The following AGAP1 variants were observed in gnomAD, a reference collection of about 807,000 sequenced individuals.
The protein encoded by AGAP1 is arf-GAP with GTPase, ANK repeat and PH domain-containing protein 1.
A neutral mutation model predicts 105.3 loss-of-function variants in AGAP1; 29 were observed. The observed-to-expected ratio is 0.28, with a 90% CI of 0.21 to 0.38. The LOEUF (loss-of-function observed/expected upper bound fraction) is 0.38. Among genes scored for constraint, AGAP1 ranks in the 10% least tolerant of loss-of-function variants. AGAP1 has a pLI of 1.00. For missense variants in AGAP1, 998 were observed against 1,165.1 expected, an observed-to-expected ratio of 0.86 and a Z score of 2.09; for synonymous variants, 509 against 485.9, an observed-to-expected ratio of 1.05 and a Z score of -0.63.
rs1956711970 is a variant in AGAP1, at chr2:235,787,390, C to T, written c.674-10369C>T. On this transcript the variant is annotated intron_variant, in intron 6 of 17. Coordinates refer to ENST00000304032, the MANE Select transcript of AGAP1 (RefSeq NM_001037131.3). The surrounding 1 kb of genome is among the most constrained non-coding windows in gnomAD (Gnocchi z 4.4). ...ATTCATTAATTTCTCAGTATTTCCC[C>T]CTTGCAGATTATTCCTTCTTTGTCT... Among the ~76,000 whole-genome samples, 6 of 152,218 alleles carry T rather than the reference C, an allele frequency of 3.9e-5. No individual in the cohort carries two copies. Among genetic ancestry groups the T allele is most frequent in the Admixed American group, 3.9e-4 (6 of 15,284 alleles).
intron 6 of AGAP1, among the ~76,000 whole-genome samples, chr2:235,759,012 C>T (rs983983357): frequency 2.6e-5 from 4 of 151,910 alleles, no homozygotes; most frequent in African/African-American, 4.8e-5. Flanking sequence ...AGCCTAGTCT[C>T]GAACTCCTGA....
chr2:235,797,216 G>A (rs1957281700), intron 6 of AGAP1, among the ~76,000 whole-genome samples: 1 of 151,950 alleles, frequency 6.6e-6, no homozygotes, highest in Non-Finnish European at 1.5e-5. Context: ...CAAGTAACTG[G>A]AAAAAAAGAT....
chr2:235,838,011 C>T (rs1960366625), intron 9 of AGAP1, among the ~76,000 whole-genome samples: 1 of 152,086 alleles, frequency 6.6e-6, no homozygotes, highest in Admixed American at 6.6e-5. Flanking sequence ...GGTGAAACCC[C>T]ATCTTTACTA....
At chr2:235,730,971 A>T (rs1439319467) in intron 3 of AGAP1, among the ~76,000 whole-genome samples, 2 of 151,626 alleles carry the variant, frequency 1.3e-5, no homozygotes, top group South Asian at 2.1e-4. Context: ...CTTACCCCCA[A>T]CCCCCAGCCC....
chr2:235,840,506 T>A (rs540184466), intron 9 of AGAP1, among the ~76,000 whole-genome samples: 6 of 152,284 alleles, frequency 3.9e-5, no homozygotes, highest in Admixed American at 3.9e-4. Context: ...ATCTCAATAC[T>A]CGTGGGTCCG....
chr2:235,583,603 G>A (rs918733005), intron 1 of AGAP1, among the ~76,000 whole-genome samples: 8 of 145,720 alleles, frequency 5.5e-5, no homozygotes, highest in African/African-American at 1.8e-4. Context: ...GAGGTTTGGT[G>A]TGGTGGCTCA....
Position 235,874,880 on chromosome 2 carries a change from G to A in AGAP1, c.1051-8465G>A, listed in dbSNP as rs929480928. On this transcript the variant is annotated intron_variant, in intron 9 of 17. Transcript: ENST00000304032. The surrounding 1 kb of genome is among the most constrained non-coding windows in gnomAD (Gnocchi z 4.5). ...AGGCAGAGGATGAGTTTAAAAACTG[G>A]TACTAAAATACCCTCTTATCAGAGA... is the stretch of plus-strand genomic sequence containing the variant. Among the ~76,000 whole-genome samples, 1 of 152,196 alleles carries A rather than the reference G, an allele frequency of 6.6e-6. No individual in the cohort carries two copies. Among genetic ancestry groups the A allele is most frequent in the African/African-American group, 2.4e-5 (1 of 41,442 alleles).
chr2:235,860,788 AC>A (rs1174628571), intron 9 of AGAP1, among the ~76,000 whole-genome samples: 2 of 152,254 alleles, frequency 1.3e-5, no homozygotes, highest in African/African-American at 4.8e-5. Context: ...TAAAGGAAGA[AC>A]AACATGCCAA....
At chr2:235,858,510 T>C (rs2048780498) in intron 9 of AGAP1, among the ~76,000 whole-genome samples, 1 of 152,106 alleles carries the variant, frequency 6.6e-6, no homozygotes, top group South Asian at 2.1e-4. Context: ...TAAGATGCAG[T>C]AGGTTAGGGG....
rs1952128536 is a variant in AGAP1 at position 235,734,486 on chromosome 2, C to T, written c.311-6477C>T. 1.3e-5 allele frequency among the ~76,000 whole-genome samples: 2 copies of T among 149,714 alleles called. No individual in the cohort carries two copies. Among genetic ancestry groups the T allele is most frequent in the African/African-American group, 4.9e-5 (2 of 40,596 alleles). The stretch of plus-strand genomic sequence containing the variant: ...GAAACAGTGGGCTCTACACATGGAG[C>T]TTTGAAGTCAAGAGTCATTTTCATC... On this transcript the variant is annotated intron_variant, in intron 3 of 17. Coordinates refer to ENST00000304032, the MANE Select transcript of AGAP1 (RefSeq NM_001037131.3). The surrounding 1 kb of genome is among the most constrained non-coding windows in gnomAD (Gnocchi z 5.3).
At chr2:235,657,700 A>G (rs1468188014) in intron 1 of AGAP1, among the ~76,000 whole-genome samples, 1 of 152,122 alleles carries the variant, frequency 6.6e-6, no homozygotes, top group East Asian at 1.9e-4. Flanking sequence ...TGATTATTCC[A>G]TAACCATGGT....
chr2:236,116,354 G>GTTTTTTTTTT (rs1382491873), intron 16 of AGAP1, among the ~76,000 whole-genome samples: 1 of 90,638 alleles, frequency 1.1e-5, no homozygotes, highest in Non-Finnish European at 2.6e-5. Flanking sequence ...GGTTAATTAA[G>GTTTTTTTTTT]TTCTTTTTTT....
At chr2:235,682,037 G>A (rs1949103579) in intron 1 of AGAP1, among the ~76,000 whole-genome samples, 1 of 151,776 alleles carries the variant, frequency 6.6e-6, no homozygotes, top group African/African-American at 2.4e-5. Flanking sequence ...ATTTTTAGTA[G>A]AGACAGGGTT....
chr2:235,607,941 C>G (rs1450358282), intron 1 of AGAP1, among the ~76,000 whole-genome samples: 1 of 151,980 alleles, frequency 6.6e-6, no homozygotes, highest in African/African-American at 2.4e-5. Flanking sequence ...TATGTTAGAC[C>G]AAAAAAATGC....
At chr2:235,496,526 T>G (rs1941325847) in intron 1 of AGAP1, among the ~76,000 whole-genome samples, 2 of 152,186 alleles carry the variant, frequency 1.3e-5, no homozygotes, top group African/African-American at 2.4e-5. Flanking sequence ...TCTTCCTGGC[T>G]CTCTGGCTGC....
intron 9 of AGAP1, among the ~76,000 whole-genome samples, chr2:235,873,497 C>CTT (rs925636303): frequency 6.8e-6 from 1 of 146,914 alleles, no homozygotes. Context: ...TTTTGGCAAA[C>CTT]TTTTTTTTTT....
chr2:235,636,900 G>A (rs1424544272), intron 1 of AGAP1, among the ~76,000 whole-genome samples: 1 of 152,168 alleles, frequency 6.6e-6, no homozygotes, highest in African/African-American at 2.4e-5. Context: ...TGTCAAGGCT[G>A]CGGTAATGCT....
chr2:235,893,688 C>G lies in AGAP1; in HGVS notation c.1155+10239C>G, dbSNP rs1042044008. Among the ~76,000 whole-genome samples the G allele has an allele frequency of 2.0e-5, 3 of 152,076 alleles. No homozygotes were observed. Among genetic ancestry groups the G allele is most frequent in the Admixed American group, 1.3e-4 (2 of 15,268 alleles). On this transcript the variant is annotated intron_variant, in intron 10 of 17. Transcript: ENST00000304032. This position sits in a 1 kb window ranked among gnomAD's most constrained non-coding sequence, Gnocchi z 4.7. ...CCTTTCTGCCCCATCTAGTGTATGTCATTGAGGAGGAGGGCTGTGTTCCCC... is the reference window on the plus strand; with the variant it reads ...CCTTTCTGCCCCATCTAGTGTATGTGATTGAGGAGGAGGGCTGTGTTCCCC...
chr2:236,019,243 G>T (rs1486224902), intron 13 of AGAP1, among the ~76,000 whole-genome samples: 4 of 152,180 alleles, frequency 2.6e-5, no homozygotes, highest in Non-Finnish European at 4.4e-5. Flanking sequence ...GCCATTGCCT[G>T]CGCTGGGTGC....
Sources: gnomAD v4.1 joint callset for allele counts (sites outside exome capture counted in the v4.1 genomes callset) on GRCh38, gnomAD v4.1.1 for gene constraint, Gnocchi (gnomAD v3.1) non-coding constraint, MANE v1.5 for transcripts, NCBI Gene and HGNC (gene_info 2026-07-23, HGNC 2026-07-21) for gene names.